The following ZNF785 variants were observed in gnomAD, a reference collection of about 807,000 sequenced individuals.
The protein encoded by ZNF785 is zinc finger protein 785.
Under a neutral mutation model 11.3 loss-of-function variants are expected in ZNF785, and 15 were observed. The observed-to-expected ratio is 1.32, with a 90% CI of 0.89 to 2.04. The LOEUF (loss-of-function observed/expected upper bound fraction) is 2.04, where lower values mean the gene tolerates loss of function less well. ZNF785 is among the 30% of genes most tolerant of loss of function. The pLI is 0.00. For synonymous variants in ZNF785, 221 were observed against 231.0 expected (o/e 0.96, Z 0.39); for missense variants, 572 against 560.9 (o/e 1.02, Z -0.20).
chr16:30,583,366 C>T lies in ZNF785; in HGVS notation c.412G>A (p.Val138Ile). ...KQKEVAHEVAVKEWWPSVACP... is the reference protein window; with the variant it reads ...KQKEVAHEVAIKEWWPSVACP... Reference sequence around the variant, plus strand: ...GCGACGCTGGGCCACCACTCCTTGACAGCCACTTCATGCGCCACCTCTTTT... The same window carrying T: ...GCGACGCTGGGCCACCACTCCTTGATAGCCACTTCATGCGCCACCTCTTTT... The change falls in exon 3 of 3, where the codon GTC becomes ATC. Residue 138 changes from valine to isoleucine, a missense_variant. Physicochemically the swap from Val to Ile is conservative, Grantham distance 29 (BLOSUM62 3). Transcript: ENST00000395216. 1 of 1,611,752 alleles carries T rather than the reference C, an allele frequency of 6.2e-7. No individual in the cohort carries two copies. The highest frequency in any genetic ancestry group is 8.5e-7 in the Non-Finnish European group (1 of 1,178,668).
At chr16:30,584,971 C>A (rs2051869171) in intron 2 of ZNF785, 151 bp downstream of exon 2, 2 of 1,065,014 alleles carry the variant, frequency 1.9e-6, no homozygotes, top group South Asian at 2.0e-5. Flanking sequence ...GCTGTTCCAT[C>A]GGGCCATTTT....
At chr16:30,578,390 A>C (rs1427013704), downstream of ZNF785, 1 of 152,228 alleles carries the variant, frequency 6.6e-6, no homozygotes, top group East Asian at 1.9e-4. Flanking sequence ...TTGCCCATCA[A>C]ATTGTAAATG....
rs1055474611 is a variant in ZNF785 at position 30,583,600 on chromosome 16, A to T, written c.335-157T>A. The T allele has an allele frequency of 6.5e-6, 6 of 929,724 alleles. No homozygotes were observed. In the African/African-American group the frequency reaches 8.3e-5, roughly 13 times the overall value. The allele number at this position is 929,724 out of a possible 1,614,324, so 57.6% of individuals were successfully genotyped here. A position where few individuals can be genotyped will look rare whatever the true frequency, so the allele number is the denominator to read the frequency against. ...GGCGCCCAGGGAGCACGGCTTAATG[A>T]TAGGGGCCTCATGAAGCCCTGAAAG... On this transcript the variant is annotated intron_variant, in intron 2 of 2. Transcript: ENST00000395216.
Position 30,583,189 on chromosome 16 carries a change from C to A in ZNF785, c.589G>T (p.Glu197Ter). 1.2e-6 allele frequency: 2 copies of A among 1,614,052 alleles called. No individual in the cohort carries two copies. Among genetic ancestry groups the A allele is most frequent in the Non-Finnish European group, 1.7e-6 (2 of 1,179,994 alleles). Residue 197 changes from glutamate to a stop codon, truncating the protein, a stop_gained, in exon 3 of 3, where the codon GAG becomes TAG. Coordinates refer to ENST00000395216, the MANE Select transcript of ZNF785 (RefSeq NM_152458.7). LOFTEE classifies it low-confidence loss of function (END_TRUNC). ...LASHQRVHSGERPFSCGQCQA... is the reference protein window; with the variant it reads ...LASHQRVHSG ...CACTGGCCGCAGGAGAAGGGCCGCT[C>A]CCCGGAGTGGACCCGCTGGTGGCTG...
rs2051879405 is a variant in ZNF785 at position 30,585,390 on chromosome 16, G to A, written c.205+17C>T. On this transcript the variant is annotated intron_variant, in intron 1 of 2. Transcript: ENST00000395216. This position sits in a 1 kb window ranked among gnomAD's most constrained non-coding sequence, Gnocchi z 4.0. ...CACCGACGGACTGGGGGTCCCGGCC[G>A]GAGGGCCCGGCCTCACCCAGCGCGC... 5 of 1,577,372 alleles carry A rather than the reference G, an allele frequency of 3.2e-6. No individual in the cohort carries two copies. Among genetic ancestry groups the A allele is most frequent in the Non-Finnish European group, 3.4e-6 (4 of 1,163,482 alleles).
At chr16:30,578,413 T>A (rs781099830), downstream of ZNF785, 1 of 152,242 alleles carries the variant, frequency 6.6e-6, no homozygotes, top group Non-Finnish European at 1.5e-5. Flanking sequence ...TCTTCAAGAC[T>A]CTTGATCAGA....
intron 2 of ZNF785, chr16:30,583,854 A>C (rs1002953057): frequency 1.3e-5 from 2 of 154,774 alleles, no homozygotes; most frequent in Non-Finnish European, 2.8e-5. Context: ...ATAAAAAAAA[A>C]AAAAAATGCT....
chr16:30,583,210 G>A lies in ZNF785; in HGVS notation c.568C>T (p.His190Tyr). The change falls in exon 3 of 3, where the codon CAC (histidine) becomes TAC (tyrosine). Residue 190 changes from histidine to tyrosine, a missense_variant. Physicochemically the swap from His to Tyr is moderately conservative, Grantham distance 83 (BLOSUM62 2). Transcript: ENST00000395216. ...NFSYPSLLAS[H>Y]QRVHSGERPF... ...CGCTCCCCGGAGTGGACCCGCTGGT[G>A]GCTGGCCAGGAGGGAAGGGTAGCTG... 6.2e-7 allele frequency: 1 copy of A among 1,614,064 alleles called. No homozygotes were observed. Among genetic ancestry groups the A allele is most frequent in the Admixed American group, 1.7e-5 (1 of 60,016 alleles).
chr16:30,580,185 C>G (rs1181060287), downstream of ZNF785, among the ~76,000 whole-genome samples: 2 of 101,084 alleles, frequency 2.0e-5, no homozygotes, highest in Non-Finnish European at 4.0e-5. Context: ...CCACACCAGG[C>G]CTTTTTTTTT....
chr16:30,584,984 A>C, intron 2 of ZNF785, 138 bp downstream of exon 2: 1 of 1,184,300 alleles, frequency 8.4e-7, no homozygotes, highest in African/African-American at 1.5e-5. Flanking sequence ...GCCATTTTGC[A>C]GTGAGATGAG....
Position 30,582,280 on chromosome 16 carries a change from A to G in ZNF785, c.*280T>C, listed in dbSNP as rs1420619509. On this transcript the variant is annotated 3_prime_UTR_variant, in exon 3 of 3. Coordinates refer to ENST00000395216, the MANE Select transcript of ZNF785 (RefSeq NM_152458.7). ...AGCAGAGAGCTACAAGGGAGAGAAC[A>G]ATCATGAAGGAAAAGCCAGTTAGGT... 6.3e-6 allele frequency: 3 copies of G among 477,422 alleles called. No homozygotes were observed. The highest frequency in any genetic ancestry group is 2.0e-5 in the African/African-American group (1 of 51,086). The allele number at this position is 477,422 out of a possible 1,614,324, so 29.6% of individuals were successfully genotyped here.
chr16:30,585,484 C>A lies in ZNF785; in HGVS notation c.128G>T (p.Trp43Leu). 6.2e-7 allele frequency: 1 copy of A among 1,603,478 alleles called. No homozygotes were observed. The highest frequency in any genetic ancestry group is 8.5e-7 in the Non-Finnish European group (1 of 1,175,670). ...CCTCTGCGCTGGCCGCAGGCATTCC[C>A]ACTCCTCGGGAGAGAAGTACACGGC... The part of the protein sequence containing the change: ...DVAVYFSPEE[W>L]ECLRPAQRAL... The change falls in exon 1 of 3, where the codon TGG becomes TTG. Residue 43 changes from tryptophan (W) to leucine (L), a missense_variant. Transcript: ENST00000395216. This position sits in a 1 kb window ranked among gnomAD's most constrained non-coding sequence, Gnocchi z 4.0.
downstream of ZNF785, chr16:30,579,887 T>G: frequency 2.2e-6 from 1 of 454,486 alleles, no homozygotes; most frequent in Non-Finnish European, 4.4e-6. Context: ...TGTTGTTTTT[T>G]GTTTTGTTTT....
chr16:30,584,994 G>A, intron 2 of ZNF785, 128 bp downstream of exon 2: 1 of 1,286,480 alleles, frequency 7.8e-7, no homozygotes, highest in East Asian at 2.5e-5. Context: ...AGTGAGATGA[G>A]GACGTTTCTG....
In ZNF785 at chr16:30,583,090, A is replaced by T; in HGVS notation, c.688T>A (p.Cys230Ser). The T allele has an allele frequency of 1.9e-6, 3 of 1,614,118 alleles. No homozygotes were observed. Among genetic ancestry groups the T allele is most frequent in the South Asian group, 1.1e-5 (1 of 91,080 alleles). ...CGGAAGCGGCGCCCGCAGTCGGGGC[A>T]GGGGTAGGGCTTCTCGCCGGTGTGG... ...FIHTGEKPYPCPDCGRRFRQR... is the reference protein window; with the variant it reads ...FIHTGEKPYPSPDCGRRFRQR... Residue 230 changes from cysteine (C) to serine (S), a missense_variant, in exon 3 of 3, where the codon TGC becomes AGC. Physicochemically the swap from Cys to Ser is moderately radical, Grantham distance 112. Coordinates refer to ENST00000395216, the MANE Select transcript of ZNF785 (RefSeq NM_152458.7).
chr16:30,585,468 T>A lies in ZNF785; in HGVS notation c.144A>T (p.Pro48=). The change falls in exon 1 of 3, where the codon CCA becomes CCT. Residue 48 remains proline, a synonymous_variant. Coordinates refer to ENST00000395216, the MANE Select transcript of ZNF785 (RefSeq NM_152458.7). The surrounding 1 kb of genome is among the most constrained non-coding windows in gnomAD (Gnocchi z 4.0). ...CGTCCCGGTACAGGGCCCTCTGCGC[T>A]GGCCGCAGGCATTCCCACTCCTCGG... ...FSPEEWECLR[P]AQRALYRDVM... is the part of the protein sequence containing the mutation. The A allele has an allele frequency of 6.2e-7, 1 of 1,604,032 alleles. No individual in the cohort carries two copies. Among genetic ancestry groups the A allele is most frequent in the African/African-American group, 1.3e-5 (1 of 74,846 alleles).
At chr16:30,584,370 G>A (rs141565149) in intron 2 of ZNF785, among the ~76,000 whole-genome samples, 24 of 152,012 alleles carry the variant, frequency 1.6e-4, no homozygotes, top group Admixed American at 2.6e-4. Flanking sequence ...TACACTTGCT[G>A]GTGGGGCACA....
Position 30,582,679 on chromosome 16 carries a change from C to A in ZNF785, c.1099G>T (p.Glu367Ter), listed in dbSNP as rs552503849. 1.9e-6 allele frequency: 3 copies of A among 1,613,988 alleles called. No homozygotes were observed. Among genetic ancestry groups the A allele is most frequent in the African/African-American group, 2.7e-5 (2 of 74,950 alleles). ...ACGGCCTGCTGCCACGCGCGCCTCT[C>A]GCTGCAGGAGCGGTGGATCCACCGA... ...AHRWIHRSCS[E>*]RRAWQQAVVG... is the part of the protein sequence containing the mutation. The change falls in exon 3 of 3, where the codon GAG becomes TAG. Residue 367 changes from glutamate to a stop codon, truncating the protein, a stop_gained. Transcript: ENST00000395216. LOFTEE classifies it low-confidence loss of function (END_TRUNC).
chr16:30,584,081 G>C, intron 2 of ZNF785, among the ~76,000 whole-genome samples: 1 of 151,824 alleles, frequency 6.6e-6, no homozygotes, highest in East Asian at 1.9e-4. Flanking sequence ...GGAGGTGGAG[G>C]TTGCAGTGAG....
Sources: allele counts gnomAD v4.1 joint callset (sites outside exome capture counted in the v4.1 genomes callset), GRCh38; gene constraint gnomAD v4.1.1; non-coding constraint Gnocchi (gnomAD v3.1); transcripts MANE v1.5; gene names NCBI Gene and HGNC (gene_info 2026-07-23, HGNC 2026-07-21).